JARID2: variants seen among roughly 807,000 people sequenced by gnomAD.
The protein encoded by JARID2 is jumonji and AT-rich interaction domain containing 2, also known as protein Jumonji.
Under a neutral mutation model 125.6 loss-of-function variants are expected in JARID2, and 21 were observed. The observed-to-expected ratio is 0.17, with a 90% confidence interval of 0.12 to 0.24. The LOEUF (loss-of-function observed/expected upper bound fraction) is 0.24, where lower values mean the gene tolerates loss of function less well. Ranked by LOEUF, JARID2 falls within the 10% of genes least tolerant of loss-of-function variation. The pLI is 1.00. For missense variants in JARID2, 1,303 were observed against 1,639.6 expected, an observed-to-expected ratio of 0.79 and a Z score of 3.55; for synonymous variants, 736 against 661.6, an observed-to-expected ratio of 1.11 and a Z score of -1.73.
chr6:15,290,352 T>G (rs759887427), intron 1 of JARID2, among the ~76,000 whole-genome samples: 10 of 152,238 alleles, frequency 6.6e-5, no homozygotes, highest in Non-Finnish European at 1.3e-4. Flanking sequence ...AACATTAGTG[T>G]TCAAGACTCT....
At chr6:15,458,755 C>G (rs1248249764) in intron 4 of JARID2, among the ~76,000 whole-genome samples, 1 of 152,190 alleles carries the variant, frequency 6.6e-6, no homozygotes, top group Non-Finnish European at 1.5e-5. Flanking sequence ...TGCTGCGGGT[C>G]TCCGCGTTAC....
chr6:15,285,147 G>C (rs1301186310), intron 1 of JARID2, among the ~76,000 whole-genome samples: 1 of 98,912 alleles, frequency 1.0e-5, no homozygotes. Flanking sequence ...TCTTGCTCTT[G>C]TTCTCCAGAC....
intron 2 of JARID2, among the ~76,000 whole-genome samples, chr6:15,398,081 A>G (rs1456418805): frequency 6.6e-6 from 1 of 152,234 alleles, no homozygotes; most frequent in Admixed American, 6.5e-5. Flanking sequence ...CCTGTTTTGT[A>G]AAGTTTATAA....
intron 3 of JARID2, among the ~76,000 whole-genome samples, chr6:15,416,430 A>C (rs1766215557): frequency 6.6e-6 from 1 of 152,178 alleles, no homozygotes. Context: ...CTCCGTCTGC[A>C]ATCCCGGCAC....
At chr6:15,364,836 AGGTGGT>A (rs1262430631) in intron 1 of JARID2, among the ~76,000 whole-genome samples, 1 of 152,224 alleles carries the variant, frequency 6.6e-6, no homozygotes, top group African/African-American at 2.4e-5. Flanking sequence ...GTCCATTGAC[AGGTGGT>A]CGGATTGTGG....
At chr6:15,450,706 C>T (rs1335435699) in intron 3 of JARID2, among the ~76,000 whole-genome samples, 3 of 152,236 alleles carry the variant, frequency 2.0e-5, no homozygotes, top group South Asian at 2.1e-4. Context: ...CTCACTATTG[C>T]GTGAGTGGAG....
Position 15,246,454 on chromosome 6 carries a change from C to A in JARID2, c.-86C>A. 8.9e-7 allele frequency: 1 copy of A among 1,122,294 alleles called. No individual in the cohort carries two copies. The highest frequency in any genetic ancestry group is 1.3e-6 in the Non-Finnish European group (1 of 742,460). 69.5% of individuals were successfully genotyped at this position (1,122,294 alleles called of 1,614,324 possible). A position where few individuals can be genotyped will look rare whatever the true frequency, so the allele number is the denominator to read the frequency against. On this transcript the variant is annotated 5_prime_UTR_variant, in exon 1 of 18. Coordinates refer to ENST00000341776, the MANE Select transcript of JARID2 (RefSeq NM_004973.4). ...AACCACCACCAACAACAATAAAAAC[C>A]ACCAGGATATTTTTTTGCAAATTTC... is the stretch of plus-strand genomic sequence containing the variant.
chr6:15,283,598 TC>T (rs1760870115), intron 1 of JARID2, among the ~76,000 whole-genome samples: 1 of 151,898 alleles, frequency 6.6e-6, no homozygotes, highest in Non-Finnish European at 1.5e-5. Context: ...CGCCTGGGCC[TC>T]CCAAAGTGCT....
intron 1 of JARID2, among the ~76,000 whole-genome samples, chr6:15,349,324 T>A (rs1281371474): frequency 1.3e-5 from 2 of 152,136 alleles, no homozygotes; most frequent in East Asian, 1.9e-4. Flanking sequence ...GCAGGTAAGT[T>A]TTTAGTGTCT....
At chr6:15,446,737 G>A (rs1348487684) in intron 3 of JARID2, among the ~76,000 whole-genome samples, 12 of 152,264 alleles carry the variant, frequency 7.9e-5, no homozygotes, top group South Asian at 4.1e-4. Flanking sequence ...TTCACTCAGC[G>A]GGGCTGATTT....
At chr6:15,307,207 A>T (rs766407873) in intron 1 of JARID2, among the ~76,000 whole-genome samples, 1 of 151,914 alleles carries the variant, frequency 6.6e-6, no homozygotes, top group Non-Finnish European at 1.5e-5. Context: ...GTTCCACTGC[A>T]CTCCAGTCTG....
intron 3 of JARID2, among the ~76,000 whole-genome samples, chr6:15,436,747 A>G (rs1767221540): frequency 6.6e-6 from 1 of 151,958 alleles, no homozygotes; most frequent in Non-Finnish European, 1.5e-5. Context: ...GCATGATTAG[A>G]AAAATCCCAG....
intron 1 of JARID2, among the ~76,000 whole-genome samples, chr6:15,264,746 T>C (rs1006181963): frequency 1.3e-5 from 2 of 152,202 alleles, no homozygotes; most frequent in Non-Finnish European, 2.9e-5. Flanking sequence ...GCCGCTTTTA[T>C]GTGGTGTACC....
At chr6:15,486,613 T>G (rs2127715468) in intron 5 of JARID2, among the ~76,000 whole-genome samples, 1 of 152,310 alleles carries the variant, frequency 6.6e-6, no homozygotes, top group Admixed American at 6.5e-5. Context: ...AGGAAGCACT[T>G]AAGAAATACT....
chr6:15,374,269 A>G lies in JARID2; in HGVS notation c.181+17A>G, dbSNP rs767639915. On this transcript the variant is annotated intron_variant, in intron 2 of 17. Coordinates refer to ENST00000341776, the MANE Select transcript of JARID2 (RefSeq NM_004973.4). Reference sequence around the variant, plus strand: ...CTGTGAATGGTGAGTTGACTCTTGGAATATCTCATTGGAATGTACAATATC... The same window carrying G: ...CTGTGAATGGTGAGTTGACTCTTGGGATATCTCATTGGAATGTACAATATC... The G allele has an allele frequency of 6.2e-7, 1 of 1,612,966 alleles. No individual in the cohort carries two copies. The highest frequency in any genetic ancestry group is 1.1e-5 in the South Asian group (1 of 91,028).
chr6:15,326,245 C>G (rs958489628), intron 1 of JARID2, among the ~76,000 whole-genome samples: 4 of 152,200 alleles, frequency 2.6e-5, no homozygotes, highest in East Asian at 3.9e-4. Flanking sequence ...AAGGTGGAGA[C>G]AGGGTGGAGT....
chr6:15,496,852 G>A lies in JARID2; in HGVS notation c.1627G>A (p.Glu543Lys), dbSNP rs758296303. Reference sequence around the variant, plus strand: ...CAAGCCGCAGGACTCGGGCAAGGCCGAGAAGGGCGGCGGCAAGGCCGGGTG... The same window carrying A: ...CAAGCCGCAGGACTCGGGCAAGGCCAAGAAGGGCGGCGGCAAGGCCGGGTG... ...VHKPQDSGKA[E>K]KGGGKAGWAA... The change falls in exon 7 of 18, where the codon GAG (glutamate) becomes AAG (lysine). Residue 543 changes from glutamate to lysine, a missense_variant. Coordinates refer to ENST00000341776, the MANE Select transcript of JARID2 (RefSeq NM_004973.4). The A allele has an allele frequency of 1.2e-6, 2 of 1,601,450 alleles. No homozygotes were observed. The highest frequency in any genetic ancestry group is 1.7e-6 in the Non-Finnish European group (2 of 1,171,766).
chr6:15,499,550 G>T (rs990926649), intron 7 of JARID2, among the ~76,000 whole-genome samples: 1 of 152,120 alleles, frequency 6.6e-6, no homozygotes, highest in South Asian at 2.1e-4. Context: ...TTGGTTGGGG[G>T]ACTCGTTTTG....
chr6:15,441,725 G>A (rs1767453359), intron 3 of JARID2, among the ~76,000 whole-genome samples: 1 of 152,122 alleles, frequency 6.6e-6, no homozygotes, highest in African/African-American at 2.4e-5. Context: ...GATATTTCTG[G>A]TGGGAAGTTT....
Sources: gnomAD v4.1 joint callset for allele counts (sites outside exome capture counted in the v4.1 genomes callset) on GRCh38, gnomAD v4.1.1 for gene constraint, MANE v1.5 for transcripts, NCBI Gene and HGNC (gene_info 2026-07-23, HGNC 2026-07-21) for gene names.